CDH13: variants seen among roughly 807,000 people sequenced by gnomAD.
CDH13 encodes cadherin 13.
CDH13 carries 24 observed loss-of-function variants against 63.8 expected under a neutral mutation model. The observed-to-expected ratio is 0.38, with a 90% CI of 0.27 to 0.53. The LOEUF (loss-of-function observed/expected upper bound fraction) is 0.53. Among genes scored for constraint, CDH13 ranks in the 20% least tolerant of loss-of-function variants. The pLI, the probability that CDH13 is intolerant of heterozygous loss-of-function variation, is 0.85. For synonymous variants in CDH13, 503 were observed against 355.3 expected (o/e 1.42, Z -4.67); for missense variants, 1,049 against 903.1 (o/e 1.16, Z -2.07).
intron 6 of CDH13, among the ~76,000 whole-genome samples, chr16:83,455,826 A>G (rs571581688): frequency 6.6e-6 from 1 of 152,220 alleles, no homozygotes; most frequent in Non-Finnish European, 1.5e-5. Context: ...CCTGTGGACA[A>G]GTCTCCCTTT....
chr16:83,351,766 G>C (rs1042714050), intron 6 of CDH13, among the ~76,000 whole-genome samples: 6 of 152,192 alleles, frequency 3.9e-5, no homozygotes, highest in African/African-American at 1.4e-4. Context: ...GATATGCCCT[G>C]TTATGTTTTG....
At chr16:83,433,072 TG>T (rs1389072045) in intron 6 of CDH13, among the ~76,000 whole-genome samples, 3 of 152,172 alleles carry the variant, frequency 2.0e-5, no homozygotes, top group Non-Finnish European at 4.4e-5. Flanking sequence ...GTCATGCTTC[TG>T]GGGAATGAGA....
chr16:82,922,513 C>A (rs2042186601), intron 2 of CDH13, among the ~76,000 whole-genome samples: 1 of 152,074 alleles, frequency 6.6e-6, no homozygotes, highest in East Asian at 1.9e-4. Flanking sequence ...AGATTTAGAC[C>A]CTAATTCTGG....
At chr16:83,279,258 T>G (rs1014187998) in intron 5 of CDH13, among the ~76,000 whole-genome samples, 2 of 152,198 alleles carry the variant, frequency 1.3e-5, no homozygotes, top group African/African-American at 4.8e-5. Flanking sequence ...GCTGTTTTTA[T>G]AGATCTGAAG....
At chr16:82,762,074 C>T (rs141381687) in intron 1 of CDH13, among the ~76,000 whole-genome samples, 121 of 152,224 alleles carry the variant, frequency 7.9e-4, no homozygotes, top group African/African-American at 2.3e-3. Flanking sequence ...AACCACAAAT[C>T]GGAAGCTAGA....
chr16:83,168,336 C>T (rs1394700689), intron 4 of CDH13, among the ~76,000 whole-genome samples: 1 of 152,038 alleles, frequency 6.6e-6, no homozygotes, highest in African/African-American at 2.4e-5. Context: ...GATATTTACA[C>T]ACACACTCAA....
chr16:83,514,045 G>A (rs1239913457), intron 7 of CDH13, among the ~76,000 whole-genome samples: 1 of 152,138 alleles, frequency 6.6e-6, no homozygotes, highest in South Asian at 2.1e-4. Flanking sequence ...ACTATCTTGT[G>A]TGCCTCGTAG....
At chr16:83,458,009 A>C (rs1468794001) in intron 6 of CDH13, among the ~76,000 whole-genome samples, 1 of 152,210 alleles carries the variant, frequency 6.6e-6, no homozygotes, top group African/African-American at 2.4e-5. Flanking sequence ...AATGGGAGGC[A>C]GCTCTGGGTC....
chr16:83,710,825 G>A (rs1399181888), intron 10 of CDH13, among the ~76,000 whole-genome samples: 4 of 152,204 alleles, frequency 2.6e-5, no homozygotes, highest in South Asian at 2.1e-4. Context: ...ACGGGAGAGG[G>A]CTGCAACTCG....
intron 1 of CDH13, among the ~76,000 whole-genome samples, chr16:82,693,818 G>C (rs1261687424): frequency 1.3e-5 from 2 of 152,216 alleles, no homozygotes; most frequent in African/African-American, 4.8e-5. Flanking sequence ...GGTGCCATCA[G>C]AGTCATGAGG....
intron 2 of CDH13, among the ~76,000 whole-genome samples, chr16:82,893,194 A>G (rs1000705466): frequency 6.6e-6 from 1 of 152,356 alleles, no homozygotes; most frequent in East Asian, 1.9e-4. Flanking sequence ...AGCCAATTAG[A>G]TATTCAAAGG....
intron 1 of CDH13, chr16:82,824,538 C>T (rs1357788149): frequency 2.6e-5 from 4 of 152,138 alleles, no homozygotes; most frequent in East Asian, 1.9e-4. Context: ...AAGTTCACAA[C>T]GCCATCTAGT....
intron 5 of CDH13, among the ~76,000 whole-genome samples, chr16:83,234,073 A>G (rs1244337463): frequency 1.3e-5 from 2 of 152,176 alleles, no homozygotes; most frequent in East Asian, 3.9e-4. Context: ...GGCTTCAAAT[A>G]GGGTGACGGC....
Position 83,027,311 on chromosome 16 carries a change from G to A in CDH13, c.158-4699G>A, listed in dbSNP as rs190976539. Reference sequence around the variant, plus strand: ...GGTGCAAAAAACAAATACATAATATGGACAGATTGATATAATATAAAAGGT... The same window carrying A: ...GGTGCAAAAAACAAATACATAATATAGACAGATTGATATAATATAAAAGGT... On this transcript the variant is annotated intron_variant, in intron 2 of 13. Coordinates refer to ENST00000567109, the MANE Select transcript of CDH13 (RefSeq NM_001257.5). Among the ~76,000 whole-genome samples the A allele has an allele frequency of 1.8e-4, 27 of 152,198 alleles. 1 individual carries two copies. Among genetic ancestry groups the A allele is most frequent in the African/African-American group, 5.8e-4 (24 of 41,518 alleles).
intron 1 of CDH13, among the ~76,000 whole-genome samples, chr16:82,675,427 C>A (rs530440852): frequency 1.1e-4 from 17 of 152,114 alleles, no homozygotes; most frequent in Non-Finnish European, 1.2e-4. Flanking sequence ...AGATGTCACA[C>A]ACAGTAAAAA....
chr16:83,221,503 A>G (rs2039698511), intron 5 of CDH13, among the ~76,000 whole-genome samples: 1 of 152,216 alleles, frequency 6.6e-6, no homozygotes, highest in Admixed American at 6.5e-5. Context: ...TAAATGATTC[A>G]TGAATGACCA....
intron 6 of CDH13, 55 bp from the exon 7 acceptor site, chr16:83,486,421 TG>T (rs1305094661): frequency 6.6e-7 from 1 of 1,512,002 alleles, no homozygotes; most frequent in Non-Finnish European, 9.0e-7. Context: ...GAAGGGGCTC[TG>T]GCCGTTGTTG....
chr16:83,363,484 C>G (rs2091202621), intron 6 of CDH13, among the ~76,000 whole-genome samples: 1 of 152,112 alleles, frequency 6.6e-6, no homozygotes, highest in Admixed American at 6.5e-5. Context: ...TAAGAGACCA[C>G]TAAATGAAGA....
chr16:83,217,567 T>A, intron 5 of CDH13, 70 bp downstream of exon 5: 1 of 1,492,640 alleles, frequency 6.7e-7, no homozygotes, highest in Non-Finnish European at 9.2e-7. Flanking sequence ...TTCTTCCCAC[T>A]GAGCTCATTA....
Sources: allele counts gnomAD v4.1 joint callset (sites outside exome capture counted in the v4.1 genomes callset), GRCh38; gene constraint gnomAD v4.1.1; transcripts MANE v1.5; gene names NCBI Gene and HGNC (gene_info 2026-07-23, HGNC 2026-07-21).